Variants in EBPL observed in about 807,000 individuals in gnomAD.
EBPL encodes emopamil-binding protein-like.
Under a neutral mutation model 19.0 loss-of-function variants are expected in EBPL, and 20 were observed. The observed-to-expected ratio is 1.05, with a 90% confidence interval of 0.74 to 1.53. The LOEUF is 1.53. EBPL is among the 40% of genes most tolerant of loss of function. The probability of loss-of-function intolerance (pLI) is 0.00; values close to 1 mark genes in which losing one functional copy is unlikely to be tolerated. For missense variants in EBPL, 219 were observed against 261.1 expected (o/e 0.84, Z 1.11); for synonymous variants, 107 against 117.0 (o/e 0.91, Z 0.55).
At chr13:49,663,582 A>G (rs781534646) in intron 2 of EBPL, among the ~76,000 whole-genome samples, 3 of 152,242 alleles carry the variant, frequency 2.0e-5, no homozygotes, top group Non-Finnish European at 2.9e-5. Flanking sequence ...CAAAATTTCC[A>G]TATAAATTCT....
intron 3 of EBPL, among the ~76,000 whole-genome samples, chr13:49,662,611 C>G (rs1379437123): frequency 6.6e-6 from 1 of 151,740 alleles, no homozygotes; most frequent in Non-Finnish European, 1.5e-5. Context: ...TCACCCTTAT[C>G]TCACATAAAA....
intron 1 of EBPL, chr13:49,686,556 C>A (rs1350897607): frequency 7.8e-7 from 1 of 1,289,640 alleles, no homozygotes; most frequent in Non-Finnish European, 1.0e-6. Context: ...GATCCCAGGA[C>A]CCCAGCACTC....
At chr13:49,680,201 A>C (rs780609987) in intron 1 of EBPL, among the ~76,000 whole-genome samples, 14 of 152,258 alleles carry the variant, frequency 9.2e-5, no homozygotes, top group Middle Eastern at 3.4e-3. Context: ...AGCGACCACC[A>C]GGGTAGATCC....
intron 1 of EBPL, among the ~76,000 whole-genome samples, chr13:49,681,343 T>C (rs9596169): frequency 0.17 from 25,183 of 152,214 alleles, 2,289 homozygotes; most frequent in South Asian, 0.26. Flanking sequence ...CAGGCTGGAA[T>C]GCAGTGGTGC....
Position 49,660,799 on chromosome 13 carries a change from A to G in EBPL, c.*169T>C. 1.8e-6 allele frequency: 1 copy of G among 567,388 alleles called. No homozygotes were observed. Among genetic ancestry groups the G allele is most frequent in the South Asian group, 2.7e-5 (1 of 37,480 alleles). The allele number at this position is 567,388 out of a possible 1,614,324, so 35.1% of individuals were successfully genotyped here. ...CCCTATATCACCATTTAATTGAACA[A>G]CAATACAACGAAAACTGGTCGCCTT... is the stretch of plus-strand genomic sequence containing the variant. On this transcript the variant is annotated 3_prime_UTR_variant, in exon 4 of 4. Coordinates refer to ENST00000242827, the MANE Select transcript of EBPL (RefSeq NM_032565.5).
chr13:49,690,472 AGTGT>A lies in EBPL; in HGVS notation c.171+778_171+781del, dbSNP rs371591969. On this transcript the variant is annotated intron_variant, in intron 1 of 3. Coordinates refer to ENST00000242827, the MANE Select transcript of EBPL (RefSeq NM_032565.5). Reference sequence around the variant, plus strand: ...GGGCATAGTTTAAAAAAAACTTAAAAGTGTGTGTGTGTGTGTGCGTGCGCGTGTG... The same window carrying A: ...GGGCATAGTTTAAAAAAAACTTAAAAGTGTGTGTGTGTGCGTGCGCGTGTG... Among the ~76,000 whole-genome samples, 893 of 121,714 alleles carry A rather than the reference AGTGT, an allele frequency of 7.3e-3. 7 individuals are homozygous for A. Among genetic ancestry groups the A allele is most frequent in the African/African-American group, 0.025 (850 of 34,500 alleles). 79.8% of individuals were successfully genotyped at this position (121,714 alleles called of 152,430 possible).
chr13:49,678,913 G>A (rs193129785), intron 1 of EBPL, among the ~76,000 whole-genome samples: 2 of 150,992 alleles, frequency 1.3e-5, no homozygotes, highest in East Asian at 3.9e-4. Flanking sequence ...TCAGGAGGCT[G>A]AGGCACAAGA....
intron 1 of EBPL, among the ~76,000 whole-genome samples, chr13:49,690,319 C>G (rs1954047660): frequency 1.3e-5 from 2 of 151,424 alleles, no homozygotes; most frequent in South Asian, 4.1e-4. Context: ...ATTTACAGAA[C>G]TCGATGATTA....
At chr13:49,673,739 G>C (rs182799467) in intron 1 of EBPL, among the ~76,000 whole-genome samples, 1 of 152,084 alleles carries the variant, frequency 6.6e-6, no homozygotes, top group African/African-American at 2.4e-5. Context: ...GGCCAACCCT[G>C]TGGTTACATT....
At chr13:49,671,225 C>T (rs1953812529) in intron 1 of EBPL, among the ~76,000 whole-genome samples, 1 of 152,192 alleles carries the variant, frequency 6.6e-6, no homozygotes, top group Non-Finnish European at 1.5e-5. Flanking sequence ...GCAACCTACG[C>T]CTCCCGGGTT....
intron 1 of EBPL, among the ~76,000 whole-genome samples, chr13:49,674,127 T>C (rs1198605639): frequency 6.6e-6 from 1 of 151,984 alleles, no homozygotes; most frequent in Admixed American, 6.6e-5. Context: ...TTTCTTTTTT[T>C]AGACAGAGTC....
Position 49,661,109 on chromosome 13 carries a change from G to C in EBPL, c.480C>G (p.Ser160Arg). The part of the protein sequence containing the change: ...WLTRSPNLNT[S>R]NWLYCWLYLF... ...GGTAAAGCCAACAGTACAGCCAGTT[G>C]CTGGTGTTGAGGTTGGGGCTTCTGG... Residue 160 changes from serine to arginine, a missense_variant, in exon 4 of 4, where the codon AGC (serine) becomes AGG (arginine). By Grantham distance (110) the Ser-to-Arg change is moderately radical. This residue lies in a region of EBPL where 49 missense variants were observed against 94.1 expected (regional missense o/e 0.52). Coordinates refer to ENST00000242827, the MANE Select transcript of EBPL (RefSeq NM_032565.5). 1 of 1,614,146 alleles carries C rather than the reference G, an allele frequency of 6.2e-7. No homozygotes were observed. The highest frequency in any genetic ancestry group is 8.5e-7 in the Non-Finnish European group (1 of 1,180,014).
At chr13:49,670,205 A>T (rs574424634) in intron 1 of EBPL, among the ~76,000 whole-genome samples, 2 of 152,310 alleles carry the variant, frequency 1.3e-5, no homozygotes, top group East Asian at 3.9e-4. Flanking sequence ...GTCTTTGCGG[A>T]GAACCCCACA....
At position 49,686,931 on chromosome 13, in the gene EBPL, G is replaced by C. The variant is rs368789714; in HGVS notation, c.171+4323C>G. Among the ~76,000 whole-genome samples the C allele has an allele frequency of 1.5e-4, 23 of 152,214 alleles. No homozygotes were observed. In the East Asian group the frequency reaches 4.2e-3, roughly 28 times the overall value. On this transcript the variant is annotated intron_variant, in intron 1 of 3. Transcript: ENST00000242827. ...CTACTTCAGCCTTCTGAGTAGCTGG[G>C]ATCACAGGCATGCAGCACCACACCC...
rs780713413 is a variant in EBPL, at chr13:49,663,215, TG to T, written c.242-21del. On this transcript the variant is annotated intron_variant, in intron 2 of 3. Transcript: ENST00000242827. ...CTTTCCCTAAAGACAAAATCCATGTTGTTACTCAAATGGCAACAATTTTTAT... is the reference window on the plus strand; with the variant it reads ...CTTTCCCTAAAGACAAAATCCATGTTTTACTCAAATGGCAACAATTTTTAT... 1 of 1,611,602 alleles carries T rather than the reference TG, an allele frequency of 6.2e-7. No individual in the cohort carries two copies. Among genetic ancestry groups the T allele is most frequent in the South Asian group, 1.1e-5 (1 of 91,032 alleles).
intron 2 of EBPL, among the ~76,000 whole-genome samples, chr13:49,667,186 T>G (rs545481248): frequency 6.6e-6 from 1 of 152,306 alleles, no homozygotes; most frequent in East Asian, 1.9e-4. Context: ...CTCTGGCATC[T>G]CCTCTACTGC....
intron 1 of EBPL, among the ~76,000 whole-genome samples, chr13:49,681,303 CT>C (rs149728684): frequency 0.26 from 39,451 of 151,934 alleles, 5,583 homozygotes; most frequent in Non-Finnish European, 0.32. Flanking sequence ...AAATTTTTTT[CT>C]TTTTTTAAGA....
At chr13:49,689,633 C>A (rs1954038458) in intron 1 of EBPL, among the ~76,000 whole-genome samples, 1 of 152,176 alleles carries the variant, frequency 6.6e-6, no homozygotes, top group African/African-American at 2.4e-5. Context: ...AGGCATGAGC[C>A]ACTGTGTCCG....
chr13:49,674,277 T>C (rs886549306), intron 1 of EBPL, among the ~76,000 whole-genome samples: 1 of 152,116 alleles, frequency 6.6e-6, no homozygotes, highest in African/African-American at 2.4e-5. Context: ...TAATTTTTTG[T>C]ATTTTTAGTA....
Sources: allele counts gnomAD v4.1 joint callset (sites outside exome capture counted in the v4.1 genomes callset), GRCh38; gene constraint gnomAD v4.1.1; regional missense constraint gnomAD v4.1.1; transcripts MANE v1.5; gene names NCBI Gene and HGNC (gene_info 2026-07-23, HGNC 2026-07-21).